OPCML: variants seen among roughly 807,000 people sequenced by gnomAD.
OPCML encodes opioid-binding protein/cell adhesion molecule.
OPCML carries 13 observed loss-of-function variants against 37.8 expected under a neutral mutation model. That is an observed-to-expected ratio of 0.34 (90% CI 0.22 to 0.55). The LOEUF (loss-of-function observed/expected upper bound fraction) is 0.55, where lower values mean the gene tolerates loss of function less well. OPCML is among the 20% of genes least tolerant of loss of function. OPCML has a pLI of 0.91. For synonymous variants in OPCML, 176 were observed against 168.8 expected, an observed-to-expected ratio of 1.04 and a Z score of -0.33; for missense variants, 341 against 435.6, an observed-to-expected ratio of 0.78 and a Z score of 1.93.
At chr11:133,258,046 C>T (rs1210358760) in intron 1 of OPCML, among the ~76,000 whole-genome samples, 1 of 152,162 alleles carries the variant, frequency 6.6e-6, no homozygotes, top group East Asian at 1.9e-4. Context: ...TTTCAGGTGG[C>T]TCAGCATGGG....
chr11:132,534,407 T>C (rs888322748), intron 3 of OPCML, among the ~76,000 whole-genome samples: 1 of 152,196 alleles, frequency 6.6e-6, no homozygotes, highest in African/African-American at 2.4e-5. Context: ...CCACATAATA[T>C]TTAATAGATG....
intron 2 of OPCML, among the ~76,000 whole-genome samples, chr11:132,887,793 G>A (rs561929662): frequency 3.3e-5 from 5 of 152,308 alleles, no homozygotes; most frequent in African/African-American, 4.8e-5. Flanking sequence ...CTCCCTGTCC[G>A]CGCTGCGGCA....
At chr11:133,271,983 G>T (rs1303415601) in intron 1 of OPCML, among the ~76,000 whole-genome samples, 1 of 152,122 alleles carries the variant, frequency 6.6e-6, no homozygotes, top group African/African-American at 2.4e-5. Context: ...ACATAGTTGG[G>T]GTGGACACCC....
chr11:133,349,365 T>C (rs1445206550), intron 1 of OPCML, among the ~76,000 whole-genome samples: 4 of 152,232 alleles, frequency 2.6e-5, no homozygotes, highest in African/African-American at 4.8e-5. Context: ...TTAGATAGCA[T>C]TGTGCTCATT....
chr11:132,432,868 G>C (rs1306324548), intron 7 of OPCML, among the ~76,000 whole-genome samples: 1 of 152,236 alleles, frequency 6.6e-6, no homozygotes, highest in Non-Finnish European at 1.5e-5. Context: ...AGTCACTGCT[G>C]TCTCCTGATC....
intron 2 of OPCML, among the ~76,000 whole-genome samples, chr11:132,892,330 G>A (rs1471110402): frequency 1.3e-5 from 2 of 152,188 alleles, no homozygotes; most frequent in East Asian, 1.9e-4. Context: ...AGAGAGTGTG[G>A]GGTGGTTGAG....
At chr11:132,740,812 T>C (rs1198935194) in intron 2 of OPCML, among the ~76,000 whole-genome samples, 1 of 152,244 alleles carries the variant, frequency 6.6e-6, no homozygotes, top group African/African-American at 2.4e-5. Flanking sequence ...CAGAGATCTG[T>C]ATTTATTCCA....
intron 1 of OPCML, among the ~76,000 whole-genome samples, chr11:133,159,187 A>C (rs1031819956): frequency 2.0e-5 from 3 of 152,222 alleles, no homozygotes; most frequent in African/African-American, 7.2e-5. Context: ...AGGCATCTGA[A>C]AACATGTTAG....
At chr11:132,786,018 A>G (rs1328270004) in intron 2 of OPCML, among the ~76,000 whole-genome samples, 2 of 152,204 alleles carry the variant, frequency 1.3e-5, no homozygotes, top group Non-Finnish European at 2.9e-5. Context: ...GGCAGATAAT[A>G]TAAACACAGG....
chr11:132,691,478 C>T (rs912048168), intron 2 of OPCML, among the ~76,000 whole-genome samples: 3 of 152,210 alleles, frequency 2.0e-5, no homozygotes, highest in Admixed American at 2.0e-4. Flanking sequence ...ACTCCATTTC[C>T]TTCCCAGTAG....
chr11:132,510,385 T>A (rs918373974), intron 4 of OPCML, among the ~76,000 whole-genome samples: 1 of 152,004 alleles, frequency 6.6e-6, no homozygotes, highest in African/African-American at 2.4e-5. Context: ...GAAGGCATGA[T>A]TGGTTTTGAA....
chr11:133,009,196 T>C, intron 1 of OPCML: 1 of 985,352 alleles, frequency 1.0e-6, no homozygotes, highest in Non-Finnish European at 1.2e-6. Context: ...GTCTCTAACA[T>C]ATGTAGATAT....
Position 132,698,382 on chromosome 11 carries a change from C to T in OPCML, c.147-41063G>A, listed in dbSNP as rs114706389. Among the ~76,000 whole-genome samples, 378 of 152,146 alleles carry T rather than the reference C, an allele frequency of 2.5e-3. 3 individuals carry two copies. Among genetic ancestry groups the T allele is most frequent in the South Asian group, 5.2e-3 (25 of 4,822 alleles). ...GTTTGTGGTTTTGATTTGTATTTCC[C>T]TGATGATTAGTGATGTTGAGTTTTT... is the stretch of plus-strand genomic sequence containing the variant. On this transcript the variant is annotated intron_variant, in intron 2 of 7. Coordinates refer to ENST00000524381, the MANE Select transcript of OPCML (RefSeq NM_001012393.5).
At chr11:132,655,898 C>A (rs1184774402) in intron 3 of OPCML, among the ~76,000 whole-genome samples, 1 of 141,568 alleles carries the variant, frequency 7.1e-6, no homozygotes, top group Non-Finnish European at 1.5e-5. Flanking sequence ...GATGAGGAAT[C>A]TATCTTAGCT....
intron 1 of OPCML, among the ~76,000 whole-genome samples, chr11:133,527,601 G>T (rs1049660882): frequency 4.6e-5 from 7 of 152,112 alleles, no homozygotes; most frequent in Non-Finnish European, 1.0e-4. Flanking sequence ...TCTCCAACAT[G>T]CGAGTTGCCT....
chr11:133,068,307 TCTG>T (rs1948471177), intron 1 of OPCML, among the ~76,000 whole-genome samples: 1 of 152,202 alleles, frequency 6.6e-6, no homozygotes, highest in African/African-American at 2.4e-5. Flanking sequence ...GCCCTTAAAC[TCTG>T]CTTTTTTTCC....
intron 4 of OPCML, among the ~76,000 whole-genome samples, chr11:132,445,893 T>C (rs2096053476): frequency 6.6e-6 from 1 of 152,174 alleles, no homozygotes; most frequent in Non-Finnish European, 1.5e-5. Context: ...TGTCAGCTTC[T>C]ATGAAAAATA....
intron 1 of OPCML, among the ~76,000 whole-genome samples, chr11:132,994,609 A>C (rs938704443): frequency 1.3e-5 from 2 of 152,120 alleles, no homozygotes; most frequent in Non-Finnish European, 2.9e-5. Flanking sequence ...TCATGGCCCC[A>C]GGGGACACAC....
chr11:132,466,367 C>A (rs1381788459), intron 4 of OPCML, among the ~76,000 whole-genome samples: 3 of 151,364 alleles, frequency 2.0e-5, no homozygotes, highest in Non-Finnish European at 1.5e-5. Flanking sequence ...GCCTGTAGTC[C>A]CAGCTACTCA....
Sources: allele counts gnomAD v4.1 joint callset (sites outside exome capture counted in the v4.1 genomes callset), GRCh38; gene constraint gnomAD v4.1.1; transcripts MANE v1.5; gene names NCBI Gene and HGNC (gene_info 2026-07-23, HGNC 2026-07-21).